The following GTSE1 variants were observed in gnomAD, a reference collection of about 807,000 sequenced individuals.
GTSE1 encodes the protein G2 and S-phase expressed 1.
A neutral mutation model predicts 60.5 loss-of-function variants in GTSE1; 52 were observed. That is an observed-to-expected ratio of 0.86 (90% CI 0.69 to 1.08). The LOEUF (loss-of-function observed/expected upper bound fraction) is 1.08. Among genes scored for constraint, GTSE1 ranks in the 50% least tolerant of loss-of-function variants. The pLI, the probability that GTSE1 is intolerant of heterozygous loss-of-function variation, is 0.00. For synonymous variants in GTSE1, 368 were observed against 386.5 expected (o/e 0.95, Z 0.56); for missense variants, 937 against 961.8 (o/e 0.97, Z 0.34).
intron 7 of GTSE1, among the ~76,000 whole-genome samples, chr22:46,322,025 G>T (rs1037180476): frequency 7.5e-6 from 1 of 132,502 alleles, no homozygotes; most frequent in African/African-American, 2.9e-5. Flanking sequence ...GGTAAGCCGA[G>T]ATCATGCCAC....
chr22:46,308,806 G>C lies in GTSE1; in HGVS notation c.625G>C (p.Ala209Pro). The change falls in exon 4 of 12, where the codon GCT becomes CCT. Residue 209 changes from alanine (A) to proline (P), a missense_variant. By Grantham distance (27) the Ala-to-Pro change is conservative. Coordinates refer to ENST00000454366, the MANE Select transcript of GTSE1 (RefSeq NM_016426.7). ...CCGGGCGCCGGGGCCTCCGCACTCT[G>C]CTCATGCTTTGCCCAGGGAATCATG... ...LTRAPGPPHS[A>P]HALPRESCTA... 1 of 1,613,268 alleles carries C rather than the reference G, an allele frequency of 6.2e-7. No individual in the cohort carries two copies. The highest frequency in any genetic ancestry group is 8.5e-7 in the Non-Finnish European group (1 of 1,180,014).
rs556272956 is a variant in GTSE1 at position 46,309,138 on chromosome 22, C to T, written c.762+195C>T. 6.6e-6 allele frequency among the ~76,000 whole-genome samples: 1 copy of T among 152,334 alleles called. No individual in the cohort carries two copies. The highest frequency in any genetic ancestry group is 2.1e-4 in the South Asian group (1 of 4,828). ...GGTGGCTTGGATAAGTTGGGTTGAC[C>T]TAATATTTCCTCCTAAATTCTGTCT... On this transcript the variant is annotated intron_variant, in intron 4 of 11. Coordinates refer to ENST00000454366, the MANE Select transcript of GTSE1 (RefSeq NM_016426.7). This position sits in a 1 kb window ranked among gnomAD's most constrained non-coding sequence, Gnocchi z 6.2.
At chr22:46,306,085 T>A (rs1203977189) in intron 2 of GTSE1, among the ~76,000 whole-genome samples, 1 of 152,206 alleles carries the variant, frequency 6.6e-6, no homozygotes, top group Non-Finnish European at 1.5e-5. Context: ...CTTGATTAGG[T>A]AATTAAGAAT....
chr22:46,308,415 G>A lies in GTSE1; in HGVS notation c.234G>A (p.Gln78=), dbSNP rs1476424005. The change falls in exon 4 of 12, where the codon CAG becomes CAA. Residue 78 remains glutamine, a synonymous_variant. Coordinates refer to ENST00000454366, the MANE Select transcript of GTSE1 (RefSeq NM_016426.7). Reference sequence around the variant, plus strand: ...AATTAAATAATCCGGTTCCCGAACAGCCTCCGTTGCCCACATCTGAGAGTC... The same window carrying A: ...AATTAAATAATCCGGTTCCCGAACAACCTCCGTTGCCCACATCTGAGAGTC... The part of the protein sequence containing the change: ...SLELNNPVPE[Q]PPLPTSESPF... The A allele has an allele frequency of 6.2e-7, 1 of 1,614,074 alleles. No homozygotes were observed. Among genetic ancestry groups the A allele is most frequent in the Non-Finnish European group, 8.5e-7 (1 of 1,180,044 alleles).
rs766492422 is a variant in GTSE1, at chr22:46,316,412, GGTGA to G, written c.1432+3_1432+6del. On this transcript the variant is annotated splice_donor_variant and splice_donor_region_variant and intron_variant, in intron 7 of 11. Transcript: ENST00000454366. LOFTEE classifies it high-confidence loss of function. This position sits in a 1 kb window ranked among gnomAD's most constrained non-coding sequence, Gnocchi z 5.0. ...ATTTAAAATTCCTAAGTTTTCTATT[GGTGA>G]GTAATAGATACATTTTAATGTGTCT... 1 of 1,520,080 alleles carries G rather than the reference GGTGA, an allele frequency of 6.6e-7. No individual in the cohort carries two copies. The highest frequency in any genetic ancestry group is 9.0e-7 in the Non-Finnish European group (1 of 1,107,260). The allele number at this position is 1,520,080 out of a possible 1,614,324, so 94.2% of individuals were successfully genotyped here. A position where few individuals can be genotyped will look rare whatever the true frequency, so the allele number is the denominator to read the frequency against.
In GTSE1 at chr22:46,304,511, CAT is replaced by C. The variant is rs375851125; in HGVS notation, c.80-3636_80-3635del. ...TGTATTTTATCATATGCCCGTTCAA[CAT>C]ATGTGCAGACGATCATGGTTTTCTC... On this transcript the variant is annotated intron_variant, in intron 2 of 11. Transcript: ENST00000454366. This position sits in a 1 kb window ranked among gnomAD's most constrained non-coding sequence, Gnocchi z 4.4. 3.3e-3 allele frequency among the ~76,000 whole-genome samples: 504 copies of C among 152,286 alleles called. 6 individuals carry two copies. The highest frequency in any genetic ancestry group is 0.012 in the African/African-American group (492 of 41,554).
In GTSE1 at chr22:46,308,917, A is replaced by G. The variant is rs1569039396; in HGVS notation, c.736A>G (p.Arg246Gly). 1 of 1,612,188 alleles carries G rather than the reference A, an allele frequency of 6.2e-7. No individual in the cohort carries two copies. ...LLPRAASVRG[R>G]SIPGAAEKPK... ...GCCTCGAGCGGCCTCTGTTAGAGGA[A>G]GAAGCATCCCTGGGGCTGCGGAGAA... The change falls in exon 4 of 12, where the codon AGA (arginine) becomes GGA (glycine). Residue 246 changes from arginine to glycine, a missense_variant. Physicochemically the swap from Arg to Gly is moderately radical, Grantham distance 125. Transcript: ENST00000454366.
At chr22:46,300,403 C>T (rs1265687316) in intron 2 of GTSE1, among the ~76,000 whole-genome samples, 1 of 152,128 alleles carries the variant, frequency 6.6e-6, no homozygotes. Flanking sequence ...GCCTAAAATT[C>T]TTTTCTTAAA....
rs139755549 is a variant in GTSE1, at chr22:46,326,031, A to G, written c.1506-405A>G. 2.3e-3 allele frequency among the ~76,000 whole-genome samples: 349 copies of G among 152,392 alleles called. 2 individuals carry two copies. Among genetic ancestry groups the G allele is most frequent in the African/African-American group, 7.8e-3 (324 of 41,590 alleles). On this transcript the variant is annotated intron_variant, in intron 8 of 11. Coordinates refer to ENST00000454366, the MANE Select transcript of GTSE1 (RefSeq NM_016426.7). ...GACCTGCTCCCCCATTCGCTGGCCC[A>G]CCAGACAGGCTGCGGCTCTGACTTC...
chr22:46,315,537 A>G (rs2077773983), intron 6 of GTSE1, among the ~76,000 whole-genome samples: 1 of 152,188 alleles, frequency 6.6e-6, no homozygotes, highest in Non-Finnish European at 1.5e-5. Context: ...GTCTGCGTAT[A>G]TTGGTAGCTC....
Position 46,308,464 on chromosome 22 carries a change from G to C in GTSE1, c.283G>C (p.Gly95Arg), listed in dbSNP as rs148350542. The C allele has an allele frequency of 3.2e-5, 52 of 1,614,154 alleles. No individual in the cohort carries two copies. The highest frequency in any genetic ancestry group is 4.3e-5 in the Non-Finnish European group (51 of 1,180,024). Reference protein sequence around the residue: ...ESPFAWSPLAGEKFVEVYKEA... With the variant: ...ESPFAWSPLAREKFVEVYKEA... ...TCCCTTTGCCTGGAGCCCTCTGGCC[G>C]GGGAGAAGTTCGTGGAGGTGTACAA... The change falls in exon 4 of 12, where the codon GGG becomes CGG. Residue 95 changes from glycine to arginine, a missense_variant. By Grantham distance (125) the Gly-to-Arg change is moderately radical. Transcript: ENST00000454366.
At chr22:46,323,715 T>C (rs1379362874) in intron 8 of GTSE1, among the ~76,000 whole-genome samples, 2 of 151,660 alleles carry the variant, frequency 1.3e-5, no homozygotes, top group South Asian at 2.1e-4. Flanking sequence ...TGAGATGGAG[T>C]CTTGCTCTGT....
chr22:46,328,519 C>T (rs2077856728), intron 9 of GTSE1, among the ~76,000 whole-genome samples, 169 bp from the exon 10 acceptor site: 2 of 152,322 alleles, frequency 1.3e-5, no homozygotes, highest in South Asian at 2.1e-4. Context: ...GGAGAGATCA[C>T]TGAGCCCCTT....
chr22:46,323,611 G>A (rs1343018769), intron 8 of GTSE1, among the ~76,000 whole-genome samples: 3 of 152,220 alleles, frequency 2.0e-5, no homozygotes, highest in African/African-American at 7.2e-5. Flanking sequence ...CCAGCAGCTG[G>A]ATTTCCTAAA....
In GTSE1 at chr22:46,316,120, G is replaced by C; in HGVS notation, c.1140G>C (p.Met380Ile). 6.3e-7 allele frequency: 1 copy of C among 1,596,808 alleles called. No individual in the cohort carries two copies. Among genetic ancestry groups the C allele is most frequent in the Non-Finnish European group, 8.6e-7 (1 of 1,168,410 alleles). ...AGTCAGGCAGAATGGGACCCGCCAT[G>C]CTGCGGCCAGCTCTGCCTGCAGGCC... Reference protein sequence around the residue: ...ISKSGRMGPAMLRPALPAGPV... With the variant: ...ISKSGRMGPAILRPALPAGPV... Residue 380 changes from methionine to isoleucine, a missense_variant, in exon 7 of 12, where the codon ATG becomes ATC. Coordinates refer to ENST00000454366, the MANE Select transcript of GTSE1 (RefSeq NM_016426.7). The surrounding 1 kb of genome is among the most constrained non-coding windows in gnomAD (Gnocchi z 5.0).
chr22:46,307,940 C>T (rs2077724603), intron 2 of GTSE1, among the ~76,000 whole-genome samples: 2 of 152,226 alleles, frequency 1.3e-5, no homozygotes, highest in East Asian at 1.9e-4. Flanking sequence ...AGCGAGACTT[C>T]GTCACTAGAA....
Position 46,309,830 on chromosome 22 carries a change from T to G in GTSE1, c.762+887T>G, listed in dbSNP as rs922520759. On this transcript the variant is annotated intron_variant, in intron 4 of 11. Transcript: ENST00000454366. This position sits in a 1 kb window ranked among gnomAD's most constrained non-coding sequence, Gnocchi z 6.2. Reference sequence around the variant, plus strand: ...CAAACTCCTTTATTTGGAGCCCGTTTGGGATGTAGATTCCTACCGTGATGT... The same window carrying G: ...CAAACTCCTTTATTTGGAGCCCGTTGGGGATGTAGATTCCTACCGTGATGT... Among the ~76,000 whole-genome samples, 1 of 152,192 alleles carries G rather than the reference T, an allele frequency of 6.6e-6. No homozygotes were observed. The highest frequency in any genetic ancestry group is 1.5e-5 in the Non-Finnish European group (1 of 68,034).
chr22:46,299,006 G>A (rs941999681), intron 2 of GTSE1, among the ~76,000 whole-genome samples: 9 of 152,026 alleles, frequency 5.9e-5, no homozygotes, highest in South Asian at 2.1e-4. Context: ...CTCCCATTCC[G>A]GCTTCTGTCC....
Position 46,321,238 on chromosome 22 carries a change from C to T in GTSE1, c.1433-1952C>T, listed in dbSNP as rs981868878. On this transcript the variant is annotated intron_variant, in intron 7 of 11. Coordinates refer to ENST00000454366, the MANE Select transcript of GTSE1 (RefSeq NM_016426.7). The surrounding 1 kb of genome is among the most constrained non-coding windows in gnomAD (Gnocchi z 4.0). The stretch of plus-strand genomic sequence containing the variant: ...CAGCCTGGGCGACACAGTGAGACCC[C>T]GATTCTACAAAAACATTTAGCTGGG... Among the ~76,000 whole-genome samples, 7 of 151,942 alleles carry T rather than the reference C, an allele frequency of 4.6e-5. No homozygotes were observed. In the East Asian group the frequency reaches 1.2e-3, roughly 25 times the overall value.
Sources: gnomAD v4.1 joint callset for allele counts (sites outside exome capture counted in the v4.1 genomes callset) on GRCh38, gnomAD v4.1.1 for gene constraint, Gnocchi (gnomAD v3.1) non-coding constraint, MANE v1.5 for transcripts, NCBI Gene and HGNC (gene_info 2026-07-23, HGNC 2026-07-21) for gene names.